CEP83: variants seen among roughly 807,000 people sequenced by gnomAD.
The protein encoded by CEP83 is centrosomal protein of 83 kDa.
In CEP83, 70 loss-of-function variants were observed where a neutral mutation model predicts 101.9. That is an observed-to-expected ratio of 0.69 (90% confidence interval 0.57 to 0.84). The LOEUF (loss-of-function observed/expected upper bound fraction) is 0.84. Among genes scored for constraint, CEP83 ranks in the 40% least tolerant of loss-of-function variants. The probability of loss-of-function intolerance (pLI) is 0.00; values close to 1 mark genes in which losing one functional copy is unlikely to be tolerated. For synonymous variants in CEP83, 264 were observed against 267.9 expected, an observed-to-expected ratio of 0.99 and a Z score of 0.14; for missense variants, 715 against 787.2, an observed-to-expected ratio of 0.91 and a Z score of 1.10.
At position 94,333,755 on chromosome 12, in the gene CEP83, T is replaced by A. The variant is rs868146051; in HGVS notation, c.1420-116A>T. ...GCAAATGCTCCCTCAAGCTGGTGTG[T>A]CCTTGGAGATGACCCCTAAAGGAAA... On this transcript the variant is annotated intron_variant, in intron 12 of 16. Transcript: ENST00000397809. 16 of 884,208 alleles carry A rather than the reference T, an allele frequency of 1.8e-5. No homozygotes were observed. The East Asian group carries it at 2.7e-4, about 15-fold the overall frequency. 54.8% of individuals were successfully genotyped at this position (884,208 alleles called of 1,614,324 possible).
the CEP83 span, among the ~76,000 whole-genome samples, chr12:94,274,118 C>T: frequency 0.052 from 6,205 of 118,816 alleles, 216 homozygotes; most frequent in African/African-American, 0.11. Flanking sequence ...CTCAGGAGTT[C>T]AAGACTAGCC....
the CEP83 span, among the ~76,000 whole-genome samples, chr12:94,272,901 C>G: frequency 4.6e-5 from 7 of 152,318 alleles, no homozygotes; most frequent in African/African-American, 1.4e-4. Flanking sequence ...CTATGTCCAG[C>G]CTGTCTCCTG....
chr12:94,277,530 G>C, the CEP83 span, among the ~76,000 whole-genome samples: 1 of 152,174 alleles, frequency 6.6e-6, no homozygotes, highest in Non-Finnish European at 1.5e-5. Context: ...TTGCAGATGA[G>C]AAAGCGACAT....
chr12:94,412,590 A>G lies in CEP83; in HGVS notation c.-100T>C. On this transcript the variant is annotated splice_region_variant and 5_prime_UTR_variant, in exon 3 of 17. Coordinates refer to ENST00000397809, the MANE Select transcript of CEP83 (RefSeq NM_016122.3). The stretch of plus-strand genomic sequence containing the variant: ...GCAGAATCTCAGGAAGCCAAATTAT[A>G]CCTGCACAGAGAAATAAACATAATT... 1.1e-6 allele frequency: 1 copy of G among 890,118 alleles called. No individual in the cohort carries two copies. The highest frequency in any genetic ancestry group is 2.6e-5 in the East Asian group (1 of 38,332). 55.1% of individuals were successfully genotyped at this position (890,118 alleles called of 1,614,324 possible).
intron 1 of CEP83, among the ~76,000 whole-genome samples, chr12:94,443,855 G>A (rs189859879): frequency 2.0e-5 from 3 of 151,834 alleles, no homozygotes; most frequent in Admixed American, 6.6e-5. Context: ...TATAAACTAC[G>A]TTTTCCAAAG....
In CEP83 at chr12:94,372,208, G is replaced by A. The variant is rs533475185; in HGVS notation, c.934-2172C>T. Among the ~76,000 whole-genome samples the A allele has an allele frequency of 3.3e-5, 5 of 152,132 alleles. No individual in the cohort carries two copies. The East Asian group carries it at 5.8e-4, about 18-fold the overall frequency. ...AGGCTGGTCTTGAACTCCTGACCTC[G>A]TGATCCATCCGCCTCGGCCTTCCAA... On this transcript the variant is annotated intron_variant, in intron 8 of 16. Coordinates refer to ENST00000397809, the MANE Select transcript of CEP83 (RefSeq NM_016122.3).
rs936384253 is a variant in CEP83 at position 94,421,052 on chromosome 12, AT to A, written c.-101-8462del. 5.9e-5 allele frequency among the ~76,000 whole-genome samples: 9 copies of A among 151,576 alleles called. No individual in the cohort carries two copies. The South Asian group carries it at 6.3e-4, about 11-fold the overall frequency. The stretch of plus-strand genomic sequence containing the variant: ...TTCTATATGTATATTATAATTCATA[AT>A]TTTTTTTGAGACATTCTCATTCTGT... On this transcript the variant is annotated intron_variant, in intron 2 of 16. Coordinates refer to ENST00000397809, the MANE Select transcript of CEP83 (RefSeq NM_016122.3).
At chr12:94,300,756 G>C in the CEP83 span, among the ~76,000 whole-genome samples, 1 of 152,128 alleles carries the variant, frequency 6.6e-6, no homozygotes, top group Non-Finnish European at 1.5e-5. Flanking sequence ...TTCTCTCCAA[G>C]TGACGCTTCT....
At chr12:94,420,840 A>G (rs1301435281) in intron 2 of CEP83, among the ~76,000 whole-genome samples, 2 of 152,162 alleles carry the variant, frequency 1.3e-5, no homozygotes, top group African/African-American at 4.8e-5. Context: ...TACAAGCACT[A>G]TAGTATATAG....
intron 1 of CEP83, among the ~76,000 whole-genome samples, chr12:94,456,047 CAAAAAAA>C (rs56804581): frequency 7.8e-6 from 1 of 128,312 alleles, no homozygotes; most frequent in Admixed American, 8.0e-5. Context: ...AACTCCATCT[CAAAAAAA>C]AAAAAAAGAA....
chr12:94,427,893 CA>C (rs950120493), intron 2 of CEP83, among the ~76,000 whole-genome samples: 3 of 150,962 alleles, frequency 2.0e-5, no homozygotes, highest in Admixed American at 6.6e-5. Context: ...GTCTTGCGTA[CA>C]AAAAAAAAGT....
At chr12:94,456,058 AAAAG>A (rs2067655341) in intron 1 of CEP83, among the ~76,000 whole-genome samples, 1 of 152,142 alleles carries the variant, frequency 6.6e-6, no homozygotes, top group Non-Finnish European at 1.5e-5. Flanking sequence ...AAAAAAAAAA[AAAAG>A]AAAAAAGAAA....
chr12:94,426,220 T>A (rs1315828547), intron 2 of CEP83, among the ~76,000 whole-genome samples: 1 of 152,214 alleles, frequency 6.6e-6, no homozygotes, highest in Non-Finnish European at 1.5e-5. Context: ...TCTACCGCCA[T>A]GGCTTTGTAA....
At chr12:94,312,085 A>C (rs1052275833) in intron 15 of CEP83, among the ~76,000 whole-genome samples, 1 of 152,200 alleles carries the variant, frequency 6.6e-6, no homozygotes, top group Admixed American at 6.5e-5. Context: ...TAAAAAAAAA[A>C]AGAATTGAAA....
intron 2 of CEP83, among the ~76,000 whole-genome samples, chr12:94,417,882 TAAC>T (rs1244232582): frequency 6.6e-6 from 1 of 152,074 alleles, no homozygotes; most frequent in Non-Finnish European, 1.5e-5. Flanking sequence ...TGAAAAAAGA[TAAC>T]AAGCCAACAC....
At chr12:94,355,700 T>C (rs921217327) in intron 11 of CEP83, among the ~76,000 whole-genome samples, 2 of 152,162 alleles carry the variant, frequency 1.3e-5, no homozygotes, top group South Asian at 2.1e-4. Context: ...AGCTGGAAGG[T>C]TGTGGGTTTA....
chr12:94,409,709 G>T (rs2063762703), intron 4 of CEP83, among the ~76,000 whole-genome samples: 1 of 152,076 alleles, frequency 6.6e-6, no homozygotes, highest in African/African-American at 2.4e-5. Flanking sequence ...TGAAATCAAG[G>T]TGTGTTGACA....
intron 14 of CEP83, among the ~76,000 whole-genome samples, chr12:94,325,818 C>T (rs1411473353): frequency 6.6e-6 from 1 of 151,934 alleles, no homozygotes; most frequent in African/African-American, 2.4e-5. Flanking sequence ...ATAATGTCTC[C>T]CAAAAATTCA....
intron 1 of CEP83, among the ~76,000 whole-genome samples, chr12:94,447,164 T>C (rs1234206545): frequency 6.6e-6 from 1 of 152,164 alleles, no homozygotes; most frequent in Admixed American, 6.5e-5. Context: ...CTGTGAGACA[T>C]GCCTTATGAG....
Sources: gnomAD v4.1 joint callset for allele counts (sites outside exome capture counted in the v4.1 genomes callset) on GRCh38, gnomAD v4.1.1 for gene constraint, MANE v1.5 for transcripts, NCBI Gene and HGNC (gene_info 2026-07-23, HGNC 2026-07-21) for gene names.